OVCH1: variants seen among roughly 807,000 people sequenced by gnomAD.
OVCH1 encodes ovochymase-1.
A neutral mutation model predicts 138.4 loss-of-function variants in OVCH1; 139 were observed. The observed-to-expected ratio is 1.00, with a 90% CI of 0.87 to 1.16. The LOEUF (loss-of-function observed/expected upper bound fraction) is 1.16. Ranked by LOEUF, OVCH1 falls within the 50% of genes most tolerant of loss-of-function variation. OVCH1 has a pLI of 0.00. For missense variants in OVCH1, 1,367 were observed against 1,357.9 expected (o/e 1.01, Z -0.11); for synonymous variants, 453 against 467.8 (o/e 0.97, Z 0.41).
At position 29,471,880 on chromosome 12, in the gene OVCH1, CT is replaced by C. The variant is rs1252977481; in HGVS notation, c.1777del (p.Arg593GlyfsTer3). The C allele has an allele frequency of 5.0e-6, 8 of 1,613,192 alleles. No homozygotes were observed. In the African/African-American group the frequency reaches 8.0e-5, roughly 16 times the overall value. Reference sequence around the variant, plus strand: ...TCCACATTGGTAATCGCCTAGAAACCTCAGACCCACCTGCCATGGCCAACAG... The same window carrying C: ...TCCACATTGGTAATCGCCTAGAAACCCAGACCCACCTGCCATGGCCAACAG... On this transcript the variant is annotated frameshift_variant, in exon 16 of 28. Transcript: ENST00000318184. LOFTEE classifies it high-confidence loss of function.
chr12:29,403,400 C>A, the OVCH1 span, among the ~76,000 whole-genome samples: 1 of 152,146 alleles, frequency 6.6e-6, no homozygotes, highest in Non-Finnish European at 1.5e-5. Flanking sequence ...TTACCTAAAG[C>A]TGAACCATAC....
chr12:29,496,855 C>T (rs543720539), intron 1 of OVCH1, among the ~76,000 whole-genome samples, 181 bp from the exon 2 acceptor site: 8 of 152,312 alleles, frequency 5.3e-5, no homozygotes, highest in South Asian at 4.1e-4. Context: ...CTGGGTTGAC[C>T]GGAATTTGCC....
At chr12:29,461,670 G>A in intron 19 of OVCH1, 184 bp downstream of exon 19, 1 of 786,472 alleles carries the variant, frequency 1.3e-6, no homozygotes, top group Non-Finnish European at 2.1e-6. Flanking sequence ...GCCACTCTCT[G>A]ACATCTCAGC....
At chr12:29,485,442 A>G (rs1358872030) in intron 8 of OVCH1, among the ~76,000 whole-genome samples, 1 of 151,002 alleles carries the variant, frequency 6.6e-6, no homozygotes, top group Non-Finnish European at 1.5e-5. Context: ...GGAGTTCGAG[A>G]CCAGCCTGGC....
At chr12:29,412,629 C>T (rs1430345401) in intron 4 of OVCH1, 1 of 152,214 alleles carries the variant, frequency 6.6e-6, no homozygotes, top group Non-Finnish European at 1.5e-5. Flanking sequence ...CATATACTCA[C>T]TGTGAAGTTC....
intron 8 of OVCH1, among the ~76,000 whole-genome samples, chr12:29,481,805 G>A (rs978185837): frequency 6.6e-6 from 1 of 152,170 alleles, no homozygotes; most frequent in Non-Finnish European, 1.5e-5. Flanking sequence ...TCAGACAACA[G>A]TTCTATTCTT....
chr12:29,450,061 A>G (rs920252146), intron 22 of OVCH1, among the ~76,000 whole-genome samples: 5 of 152,260 alleles, frequency 3.3e-5, no homozygotes, highest in African/African-American at 9.6e-5. Context: ...AACCCTAAAA[A>G]CCCTAGAAGA....
chr12:29,478,882 C>T (rs746203493), exon 9 of OVCH1: 2 of 1,587,478 alleles, frequency 1.3e-6, no homozygotes, highest in Non-Finnish European at 1.7e-6. Context: ...GTCATGATCA[C>T]ATCCAACTTG....
intron 16 of OVCH1, among the ~76,000 whole-genome samples, chr12:29,470,562 G>A (rs1242517354): frequency 6.6e-6 from 1 of 152,134 alleles, no homozygotes; most frequent in Non-Finnish European, 1.5e-5. Flanking sequence ...TCTTTTTTAT[G>A]ATTGCATAGT....
At chr12:29,488,461 A>G (rs1943176279) in intron 6 of OVCH1, among the ~76,000 whole-genome samples, 1 of 151,928 alleles carries the variant, frequency 6.6e-6, no homozygotes, top group Admixed American at 6.6e-5. Context: ...TATTAAAAAT[A>G]CAAAAAAATT....
chr12:29,496,073 CA>C, intron 3 of OVCH1, 107 bp downstream of exon 3: 9 of 1,025,946 alleles, frequency 8.8e-6, no homozygotes, highest in Non-Finnish European at 2.9e-6. Flanking sequence ...CACTGGGAGG[CA>C]AAAGTAAGAA....
chr12:29,405,468 C>T, the OVCH1 span, among the ~76,000 whole-genome samples: 1 of 152,108 alleles, frequency 6.6e-6, no homozygotes, highest in Non-Finnish European at 1.5e-5. Context: ...CATCCTCTAG[C>T]ACAAAAAGAA....
At chr12:29,455,472 GAAC>G (rs754434338) in intron 19 of OVCH1, 67 bp from the exon 20 acceptor site, 10 of 1,469,410 alleles carry the variant, frequency 6.8e-6, no homozygotes, top group Non-Finnish European at 9.2e-6. Context: ...TCAGTTTTTA[GAAC>G]AAGAATGACC....
intron 12 of OVCH1, among the ~76,000 whole-genome samples, chr12:29,476,760 C>A (rs917473948): frequency 1.3e-4 from 1 of 7,646 alleles, no homozygotes; most frequent in Non-Finnish European, 1.2e-3. Context: ...CGCGCGCACA[C>A]ACACACACAC....
intron 19 of OVCH1, among the ~76,000 whole-genome samples, chr12:29,459,258 T>A (rs2135964704): frequency 6.6e-6 from 1 of 152,270 alleles, no homozygotes; most frequent in East Asian, 1.9e-4. Context: ...GATGAATGGA[T>A]AAAGAAAATG....
chr12:29,433,778 C>T (rs1289521188), exon 27 of OVCH1: 1 of 1,422,522 alleles, frequency 7.0e-7, no homozygotes, highest in African/African-American at 1.4e-5. Flanking sequence ...CAAATTTCTT[C>T]TGTTTTCTTT....
At chr12:29,418,431 A>G (rs755465054) in intron 3 of OVCH1, among the ~76,000 whole-genome samples, 6 of 152,264 alleles carry the variant, frequency 3.9e-5, no homozygotes, top group Non-Finnish European at 8.8e-5. Flanking sequence ...TTAAAAACCC[A>G]TGAAAGTATG....
the OVCH1 span, among the ~76,000 whole-genome samples, chr12:29,403,570 G>T: frequency 2.0e-5 from 3 of 152,256 alleles, no homozygotes; most frequent in South Asian, 6.2e-4. Context: ...ACCTTCCTCA[G>T]TTCCTCCCTG....
chr12:29,405,043 A>C, the OVCH1 span, among the ~76,000 whole-genome samples: 14 of 138,734 alleles, frequency 1.0e-4, no homozygotes, highest in East Asian at 1.8e-3. Context: ...AAAAAAAAAA[A>C]AAAAAAAAAA....
Sources: allele counts gnomAD v4.1 joint callset (sites outside exome capture counted in the v4.1 genomes callset), GRCh38; gene constraint gnomAD v4.1.1; transcripts MANE v1.5; gene names NCBI Gene and HGNC (gene_info 2026-07-23, HGNC 2026-07-21).